TMEM182: variants seen among roughly 807,000 people sequenced by gnomAD.
The protein encoded by TMEM182 is transmembrane protein 182.
A neutral mutation model predicts 26.8 loss-of-function variants in TMEM182; 20 were observed. The ratio of observed to expected loss-of-function variants is 0.75; its 90% CI spans 0.53 to 1.09. TMEM182 has a LOEUF of 1.09. Among genes scored for constraint, TMEM182 ranks in the 50% least tolerant of loss-of-function variants. The pLI, the probability that TMEM182 is intolerant of heterozygous loss-of-function variation, is 0.00. For missense variants in TMEM182, 277 were observed against 275.5 expected (o/e 1.01, Z -0.04); for synonymous variants, 109 against 102.2 (o/e 1.07, Z -0.40).
chr2:102,765,569 C>T (rs1282903809), intron 3 of TMEM182, among the ~76,000 whole-genome samples: 1 of 152,172 alleles, frequency 6.6e-6, no homozygotes, highest in Non-Finnish European at 1.5e-5. Flanking sequence ...ATAACAATAA[C>T]CATCACAGAA....
At chr2:102,758,464 C>T (rs1680111249), upstream of TMEM182, 1 of 716,846 alleles carries the variant, frequency 1.4e-6, no homozygotes, top group Non-Finnish European at 2.6e-6. Flanking sequence ...CACCTTTTAC[C>T]TCCTCCATGG....
At chr2:102,762,794 C>G (rs1680271882) in intron 2 of TMEM182, 108 bp downstream of exon 2, 1 of 827,440 alleles carries the variant, frequency 1.2e-6, no homozygotes, top group South Asian at 2.1e-5. Flanking sequence ...GTTACAAAAT[C>G]TCAATTAGAT....
At chr2:102,842,379 C>T (rs1238630455) in intron 3 of TMEM182, among the ~76,000 whole-genome samples, 1 of 152,184 alleles carries the variant, frequency 6.6e-6, no homozygotes, top group African/African-American at 2.4e-5. Flanking sequence ...ACTTGCAGTG[C>T]CGTTTCCAAT....
At chr2:102,832,290 G>A (rs1228556337) in intron 3 of TMEM182, among the ~76,000 whole-genome samples, 2 of 152,022 alleles carry the variant, frequency 1.3e-5, no homozygotes, top group Non-Finnish European at 2.9e-5. Context: ...CCTACTTTTG[G>A]TATTGTTATA....
intron 1 of TMEM182, among the ~76,000 whole-genome samples, chr2:102,749,824 A>T (rs1679822685): frequency 6.6e-6 from 1 of 152,148 alleles, no homozygotes; most frequent in Non-Finnish European, 1.5e-5. Context: ...AATTAATTAT[A>T]ATTTTTATGT....
At chr2:102,746,118 A>C (rs550068009) in intron 1 of TMEM182, among the ~76,000 whole-genome samples, 3 of 152,168 alleles carry the variant, frequency 2.0e-5, no homozygotes, top group African/African-American at 7.2e-5. Flanking sequence ...CTGTAATTGG[A>C]TTATAGCACA....
At chr2:102,813,096 G>A (rs1682613162) in intron 4 of TMEM182, among the ~76,000 whole-genome samples, 1 of 152,094 alleles carries the variant, frequency 6.6e-6, no homozygotes, top group Admixed American at 6.5e-5. Context: ...TACAGACCAC[G>A]GTGTGAAGGA....
At chr2:102,798,759 T>C (rs1681987971) in intron 4 of TMEM182, among the ~76,000 whole-genome samples, 1 of 152,126 alleles carries the variant, frequency 6.6e-6, no homozygotes, top group Admixed American at 6.5e-5. Context: ...GAGAATCACT[T>C]GAACTCGGGA....
At chr2:102,776,641 G>T (rs1435470750) in intron 3 of TMEM182, among the ~76,000 whole-genome samples, 1 of 152,130 alleles carries the variant, frequency 6.6e-6, no homozygotes, top group East Asian at 1.9e-4. Context: ...AGGTTTTTTT[G>T]TGGACATAAG....
At chr2:102,775,914 T>G (rs571168578) in intron 3 of TMEM182, among the ~76,000 whole-genome samples, 5 of 152,214 alleles carry the variant, frequency 3.3e-5, no homozygotes, top group Admixed American at 2.0e-4. Context: ...TGTTTTGTTA[T>G]ATTTACATCC....
At chr2:102,768,759 G>A (rs897629472) in intron 3 of TMEM182, among the ~76,000 whole-genome samples, 14 of 151,810 alleles carry the variant, frequency 9.2e-5, no homozygotes, top group Middle Eastern at 3.4e-3. Flanking sequence ...CATTGTTTTC[G>A]CCTGCCAGCT....
intron 1 of TMEM182, among the ~76,000 whole-genome samples, chr2:102,753,484 C>G (rs184080734): frequency 6.6e-6 from 1 of 151,952 alleles, no homozygotes; most frequent in Admixed American, 6.6e-5. Flanking sequence ...TAAGGCTATT[C>G]GGCATCAAAT....
intron 3 of TMEM182, among the ~76,000 whole-genome samples, chr2:102,788,876 G>A (rs528167734): frequency 3.9e-5 from 6 of 152,200 alleles, no homozygotes; most frequent in Admixed American, 1.3e-4. Flanking sequence ...GCCACGCTGA[G>A]CACTGGACTT....
At chr2:102,764,470 T>A (rs1558758817) in intron 3 of TMEM182, 43 bp downstream of exon 3, 1 of 1,553,272 alleles carries the variant, frequency 6.4e-7, no homozygotes, top group South Asian at 1.1e-5. Flanking sequence ...AAGGGTCTTA[T>A]CTTTCTGAAG....
At chr2:102,758,912 A>G (rs1172973128), upstream of TMEM182, among the ~76,000 whole-genome samples, 1 of 152,154 alleles carries the variant, frequency 6.6e-6, no homozygotes, top group Admixed American at 6.5e-5. Context: ...TCCTGAGGCA[A>G]TGCCCCCCTA....
intron 1 of TMEM182, among the ~76,000 whole-genome samples, chr2:102,741,472 A>G (rs1679543677): frequency 6.6e-6 from 1 of 152,210 alleles, no homozygotes; most frequent in Non-Finnish European, 1.5e-5. Context: ...ATTGAAATAC[A>G]CCAAGAGCAT....
At chr2:102,750,592 GTGAA>G (rs1356412080) in intron 1 of TMEM182, among the ~76,000 whole-genome samples, 1 of 152,178 alleles carries the variant, frequency 6.6e-6, no homozygotes, top group Non-Finnish European at 1.5e-5. Context: ...TATTCAATGG[GTGAA>G]TGAATAAGAA....
intron 3 of TMEM182, among the ~76,000 whole-genome samples, chr2:102,782,034 G>A (rs901498114): frequency 6.6e-6 from 1 of 152,114 alleles, no homozygotes; most frequent in African/African-American, 2.4e-5. Flanking sequence ...GGCCGGGCGT[G>A]GTGGCTCACT....
At chr2:102,798,701 C>T (rs935004076) in intron 4 of TMEM182, among the ~76,000 whole-genome samples, 2 of 151,908 alleles carry the variant, frequency 1.3e-5, no homozygotes, top group African/African-American at 2.4e-5. Context: ...ATTAGCCAGG[C>T]GTGGTGGCAT....
Sources: gnomAD v4.1 joint callset for allele counts (sites outside exome capture counted in the v4.1 genomes callset) on GRCh38, gnomAD v4.1.1 for gene constraint, MANE v1.5 for transcripts, NCBI Gene and HGNC (gene_info 2026-07-23, HGNC 2026-07-21) for gene names.